Variants in DTHD1 observed in about 807,000 individuals in gnomAD.
The protein encoded by DTHD1 is death domain-containing protein 1.
Under a neutral mutation model 74.8 loss-of-function variants are expected in DTHD1, and 59 were observed. The ratio of observed to expected loss-of-function variants is 0.79; its 90% CI spans 0.64 to 0.98. The LOEUF is 0.98. Among genes scored for constraint, DTHD1 ranks in the 50% least tolerant of loss-of-function variants. DTHD1 has a pLI of 0.00. For synonymous variants in DTHD1, 365 were observed against 371.1 expected, an observed-to-expected ratio of 0.98 and a Z score of 0.19; for missense variants, 1,051 against 1,065.4, an observed-to-expected ratio of 0.99 and a Z score of 0.19.
At chr4:36,322,705 A>G (rs1758109397) in intron 8 of DTHD1, among the ~76,000 whole-genome samples, 2 of 152,214 alleles carry the variant, frequency 1.3e-5, no homozygotes, top group South Asian at 4.1e-4. Flanking sequence ...TCTTCTGAAA[A>G]TGATCCCACA....
chr4:36,292,315 GA>G (rs1435323284), intron 3 of DTHD1, among the ~76,000 whole-genome samples: 2 of 152,104 alleles, frequency 1.3e-5, no homozygotes, highest in African/African-American at 4.8e-5. Context: ...GCAAAAAAGA[GA>G]GAGAGAGAGG....
In DTHD1 at chr4:36,284,228, T is replaced by G; in HGVS notation, c.524T>G (p.Val175Gly). 6.5e-7 allele frequency: 1 copy of G among 1,537,016 alleles called. No individual in the cohort carries two copies. The highest frequency in any genetic ancestry group is 8.7e-7 in the Non-Finnish European group (1 of 1,146,842). Residue 175 changes from valine (V) to glycine (G), a missense_variant, in exon 2 of 10, where the codon GTC becomes GGC. By Grantham distance (109) the Val-to-Gly change is moderately radical (BLOSUM62 -3). Transcript: ENST00000639862. ...NGEESHYTNQ[V>G]QLEKNKTHMS... ...GAGGAAAGTCATTACACAAACCAGGTCCAGTTAGAAAAAAATAAAACACAT... is the reference window on the plus strand; with the variant it reads ...GAGGAAAGTCATTACACAAACCAGGGCCAGTTAGAAAAAAATAAAACACAT...
At position 36,343,624 on chromosome 4, in the gene DTHD1, C is replaced by A. The variant is rs773408776; in HGVS notation, c.2521C>A (p.Pro841Thr). Residue 841 changes from proline (P) to threonine (T), a missense_variant, in exon 10 of 10, where the codon CCT (proline) becomes ACT (threonine). Coordinates refer to ENST00000639862, the MANE Select transcript of DTHD1 (RefSeq NM_001170700.3). ...CATTCAGCTCATCAAACTCAAGAAC[C>A]CTGATGATCTCACAGAACAGATCCA... ...STIQLIKLKN[P>T]DDLTEQIHEF... 1.3e-6 allele frequency: 2 copies of A among 1,551,902 alleles called. No homozygotes were observed. The highest frequency in any genetic ancestry group is 1.7e-6 in the Non-Finnish European group (2 of 1,146,982).
At chr4:36,325,822 A>T (rs1578481728) in intron 8 of DTHD1, among the ~76,000 whole-genome samples, 1 of 152,192 alleles carries the variant, frequency 6.6e-6, no homozygotes, top group East Asian at 1.9e-4. Flanking sequence ...AGTCCCTCTA[A>T]TATTGCCTTA....
chr4:36,338,159 C>T (rs1394762483), intron 8 of DTHD1, among the ~76,000 whole-genome samples: 2 of 152,198 alleles, frequency 1.3e-5, no homozygotes, highest in Non-Finnish European at 2.9e-5. Context: ...TTGGCAATCA[C>T]TAATCTGTTC....
chr4:36,329,280 T>A (rs1319874495), intron 8 of DTHD1, among the ~76,000 whole-genome samples: 1 of 152,128 alleles, frequency 6.6e-6, no homozygotes, highest in African/African-American at 2.4e-5. Context: ...CCTTGGATAG[T>A]GGTTTTTCTC....
intron 8 of DTHD1, among the ~76,000 whole-genome samples, chr4:36,326,931 A>C (rs934508484): frequency 3.3e-5 from 5 of 151,940 alleles, no homozygotes; most frequent in African/African-American, 1.2e-4. Context: ...CTATGATCCA[A>C]AAAGCCAAAC....
At position 36,281,655 on chromosome 4, in the gene DTHD1, G is replaced by C. The variant is rs1755404847; in HGVS notation, c.-104G>C. On this transcript the variant is annotated 5_prime_UTR_variant, in exon 1 of 10. Transcript: ENST00000639862. ...AGAAAGTGCTGGGCTAGCTGACTCGGATCATCTCCTAGAGTTTAGGAGAAA... is the reference window on the plus strand; with the variant it reads ...AGAAAGTGCTGGGCTAGCTGACTCGCATCATCTCCTAGAGTTTAGGAGAAA... 8.1e-7 allele frequency: 1 copy of C among 1,232,666 alleles called. No homozygotes were observed. Among genetic ancestry groups the C allele is most frequent in the East Asian group, 3.1e-5 (1 of 31,762 alleles). The allele number at this position is 1,232,666 out of a possible 1,614,324, so 76.4% of individuals were successfully genotyped here. A position where few individuals can be genotyped will look rare whatever the true frequency, so the allele number is the denominator to read the frequency against.
rs187722197 is a variant in DTHD1 at position 36,340,765 on chromosome 4, G to A, written c.2398+1596G>A. 5.2e-4 allele frequency among the ~76,000 whole-genome samples: 79 copies of A among 151,892 alleles called. 2 individuals are homozygous for A. Among genetic ancestry groups the A allele is most frequent in the South Asian group, 5.0e-3 (24 of 4,802 alleles). On this transcript the variant is annotated intron_variant, in intron 9 of 9. Coordinates refer to ENST00000639862, the MANE Select transcript of DTHD1 (RefSeq NM_001170700.3). ...GGGTAGATCTAGGATATTTCCCATA[G>A]TTAGTGGTGATGGTAACGTCAGTAA...
chr4:36,300,797 C>A (rs1322662361), intron 5 of DTHD1, among the ~76,000 whole-genome samples: 1 of 152,038 alleles, frequency 6.6e-6, no homozygotes, highest in Non-Finnish European at 1.5e-5. Flanking sequence ...TCAACGCAGG[C>A]AAATCTCATT....
chr4:36,341,547 T>C (rs1336246245), intron 9 of DTHD1, among the ~76,000 whole-genome samples: 2 of 152,180 alleles, frequency 1.3e-5, no homozygotes, highest in Non-Finnish European at 2.9e-5. Flanking sequence ...CAAATTTTTA[T>C]TGAGTTTAGA....
intron 7 of DTHD1, chr4:36,315,491 G>A (rs1757658717): frequency 1.3e-5 from 2 of 152,202 alleles, no homozygotes; most frequent in South Asian, 4.1e-4. Context: ...TAGACTGACT[G>A]AGGAGTTAAA....
At chr4:36,295,383 C>T (rs1183177252) in intron 5 of DTHD1, among the ~76,000 whole-genome samples, 1 of 151,970 alleles carries the variant, frequency 6.6e-6, no homozygotes, top group Non-Finnish European at 1.5e-5. Context: ...GAATTACACT[C>T]AGTAAAAATA....
chr4:36,331,922 G>A (rs1206259170), intron 8 of DTHD1, among the ~76,000 whole-genome samples: 2 of 152,184 alleles, frequency 1.3e-5, no homozygotes, highest in African/African-American at 2.4e-5. Context: ...AACTTCTTAT[G>A]ACAAATGGCT....
chr4:36,299,715 CTGTCTCTATG>C (rs1399600808), intron 5 of DTHD1, among the ~76,000 whole-genome samples: 2 of 152,214 alleles, frequency 1.3e-5, no homozygotes, highest in Non-Finnish European at 2.9e-5. Flanking sequence ...TTCCAGCTCC[CTGTCTCTATG>C]TGCCATATTC....
At chr4:36,328,733 ACACATGAC>A (rs1353368325) in intron 8 of DTHD1, among the ~76,000 whole-genome samples, 2 of 152,238 alleles carry the variant, frequency 1.3e-5, no homozygotes, top group Non-Finnish European at 2.9e-5. Flanking sequence ...TTAAAAAAAG[ACACATGAC>A]CACATTACTA....
chr4:36,341,623 G>T (rs141748035), intron 9 of DTHD1, among the ~76,000 whole-genome samples: 1 of 152,306 alleles, frequency 6.6e-6, no homozygotes, highest in East Asian at 1.9e-4. Flanking sequence ...TTTACAGTTT[G>T]TTGATCACAT....
chr4:36,282,799 T>C (rs1033831572), intron 1 of DTHD1, among the ~76,000 whole-genome samples: 1 of 151,972 alleles, frequency 6.6e-6, no homozygotes, highest in Non-Finnish European at 1.5e-5. Context: ...AAAGGGCAAA[T>C]AGTGGGCATC....
chr4:36,334,161 T>C (rs1758861393), intron 8 of DTHD1, among the ~76,000 whole-genome samples: 1 of 152,144 alleles, frequency 6.6e-6, no homozygotes, highest in South Asian at 2.1e-4. Flanking sequence ...ATAATTCATG[T>C]AGGGTTTGAT....
Sources: allele counts gnomAD v4.1 joint callset (sites outside exome capture counted in the v4.1 genomes callset), GRCh38; gene constraint gnomAD v4.1.1; transcripts MANE v1.5; gene names NCBI Gene and HGNC (gene_info 2026-07-23, HGNC 2026-07-21).